C1orf105: variants seen among roughly 807,000 people sequenced by gnomAD.
C1orf105 encodes the protein uncharacterized protein C1orf105.
C1orf105 carries 17 observed loss-of-function variants against 20.8 expected under a neutral mutation model. The observed-to-expected ratio is 0.82, with a 90% confidence interval of 0.56 to 1.23. The LOEUF (loss-of-function observed/expected upper bound fraction) is 1.23. C1orf105 is among the 50% of genes most tolerant of loss of function. The pLI is 0.00. For synonymous variants in C1orf105, 72 were observed against 72.1 expected (o/e 1.00, Z 0.01); for missense variants, 219 against 213.5 (o/e 1.03, Z -0.16).
At chr1:172,451,867 C>CTTTTTTTTTTTTTTTTTTT (rs11462736) in intron 3 of C1orf105, among the ~76,000 whole-genome samples, 1 of 85,196 alleles carries the variant, frequency 1.2e-5, no homozygotes, top group African/African-American at 4.8e-5. Context: ...TATATGGATT[C>CTTTTTTTTTTTTTTTTTTT]TTTTTTTTTT....
At chr1:172,432,084 G>A (rs561246074) in intron 1 of C1orf105, among the ~76,000 whole-genome samples, 43 of 152,292 alleles carry the variant, frequency 2.8e-4, no homozygotes, top group South Asian at 8.3e-4. Context: ...CAAAGCAGCC[G>A]GGAAGCTCAA....
chr1:172,466,033 G>C (rs1182668008), intron 6 of C1orf105, among the ~76,000 whole-genome samples: 1 of 152,210 alleles, frequency 6.6e-6, no homozygotes, highest in East Asian at 1.9e-4. Context: ...ATTGACTGAA[G>C]CCACTTGAAT....
chr1:172,463,579 T>G (rs1308737748), intron 5 of C1orf105, among the ~76,000 whole-genome samples: 1 of 152,192 alleles, frequency 6.6e-6, no homozygotes, highest in Non-Finnish European at 1.5e-5. Flanking sequence ...ATAAAAGTAA[T>G]TCTAGTAAAT....
At position 172,427,233 on chromosome 1, in the gene C1orf105, T is replaced by A. The variant is rs549169018; in HGVS notation, c.21+6327T>A. Among the ~76,000 whole-genome samples the A allele has an allele frequency of 1.6e-3, 251 of 152,340 alleles. 13 individuals are homozygous for A. The South Asian group carries it at 0.046, about 28-fold the overall frequency. On this transcript the variant is annotated intron_variant, in intron 1 of 6. Transcript: ENST00000367727. ...ACTCTCATCACCTCATCTACCCATT[T>A]ACTAATATCGGTATTCATCTACTCT...
At chr1:172,445,610 A>G (rs1647899417) in intron 2 of C1orf105, among the ~76,000 whole-genome samples, 1 of 152,156 alleles carries the variant, frequency 6.6e-6, no homozygotes, top group Non-Finnish European at 1.5e-5. Flanking sequence ...TTCCAAACAA[A>G]CTACTATATG....
intron 2 of C1orf105, among the ~76,000 whole-genome samples, chr1:172,447,083 G>T (rs763580549): frequency 2.0e-5 from 3 of 152,222 alleles, no homozygotes; most frequent in Middle Eastern, 3.2e-3. Flanking sequence ...AGTATCAAAA[G>T]ATCTTAAGGA....
At chr1:172,438,009 C>A (rs527305976) in intron 1 of C1orf105, among the ~76,000 whole-genome samples, 72 of 152,110 alleles carry the variant, frequency 4.7e-4, no homozygotes, top group Middle Eastern at 3.4e-3. Flanking sequence ...TTGAAAATTA[C>A]GTGAAATCTA....
intron 1 of C1orf105, among the ~76,000 whole-genome samples, chr1:172,425,763 C>T (rs999656389): frequency 6.6e-6 from 1 of 152,154 alleles, no homozygotes; most frequent in Non-Finnish European, 1.5e-5. Context: ...ACCCAGAGAA[C>T]TAGCACATTA....
intron 6 of C1orf105, 64 bp downstream of exon 6, chr1:172,465,427 A>T: frequency 8.9e-7 from 1 of 1,119,316 alleles, no homozygotes; most frequent in Non-Finnish European, 1.4e-6. Flanking sequence ...ATAGAATGAC[A>T]GTCTAATCCC....
At chr1:172,453,270 T>C in intron 3 of C1orf105, 1 of 1,432,580 alleles carries the variant, frequency 7.0e-7, no homozygotes, top group Non-Finnish European at 9.4e-7. Flanking sequence ...CATCCGCCTC[T>C]GTCTTTTTGA....
chr1:172,441,931 AC>A (rs928180304), intron 1 of C1orf105: 3 of 1,613,910 alleles, frequency 1.9e-6, no homozygotes, highest in Non-Finnish European at 2.5e-6. Context: ...AAGCAGTGTG[AC>A]CCCCACATAG....
At chr1:172,435,485 CA>C (rs1054501069) in intron 1 of C1orf105, among the ~76,000 whole-genome samples, 1 of 151,702 alleles carries the variant, frequency 6.6e-6, no homozygotes, top group Non-Finnish European at 1.5e-5. Context: ...ACAGAACCAA[CA>C]AAAAAAACCA....
At chr1:172,452,249 A>C (rs1269142649) in intron 3 of C1orf105, among the ~76,000 whole-genome samples, 1 of 152,212 alleles carries the variant, frequency 6.6e-6, no homozygotes, top group Non-Finnish European at 1.5e-5. Flanking sequence ...AGCCGACTGA[A>C]GTTCAATAGA....
chr1:172,468,669 CTTCTCCTCACAATT>C lies in C1orf105; in HGVS notation c.*81_*94del. ...CCAAGCCAATCTTTGACACTGGCAC[CTTCTCCTCACAATT>C]TTCTCTCTTCTCCCAAAAGATGATT... On this transcript the variant is annotated 3_prime_UTR_variant, in exon 7 of 7. Transcript: ENST00000367727. 1 of 1,447,538 alleles carries C rather than the reference CTTCTCCTCACAATT, an allele frequency of 6.9e-7. No homozygotes were observed. Among genetic ancestry groups the C allele is most frequent in the Non-Finnish European group, 9.4e-7 (1 of 1,067,948 alleles). 89.7% of individuals were successfully genotyped at this position (1,447,538 alleles called of 1,614,324 possible).
At chr1:172,439,331 G>C (rs2072141746) in intron 1 of C1orf105, among the ~76,000 whole-genome samples, 1 of 152,076 alleles carries the variant, frequency 6.6e-6, no homozygotes, top group African/African-American at 2.4e-5. Flanking sequence ...TCAGATTTCA[G>C]TCCCTCACTA....
chr1:172,425,568 C>G (rs1047210869), intron 1 of C1orf105, among the ~76,000 whole-genome samples: 7 of 152,068 alleles, frequency 4.6e-5, no homozygotes, highest in Non-Finnish European at 1.0e-4. Flanking sequence ...AAGGAGTATG[C>G]CTTATCAGGC....
At chr1:172,423,613 T>A (rs1404335223) in intron 1 of C1orf105, among the ~76,000 whole-genome samples, 1 of 151,422 alleles carries the variant, frequency 6.6e-6, no homozygotes, top group African/African-American at 2.4e-5. Flanking sequence ...CCAAACAAAC[T>A]AAATAAGACA....
chr1:172,464,151 G>A (rs1368458668), intron 5 of C1orf105, among the ~76,000 whole-genome samples: 2 of 152,226 alleles, frequency 1.3e-5, no homozygotes, highest in Non-Finnish European at 2.9e-5. Flanking sequence ...AAAAGGAAGA[G>A]AGGGAGAAAA....
intron 1 of C1orf105, among the ~76,000 whole-genome samples, chr1:172,421,116 T>C (rs1050058074): frequency 7.2e-5 from 11 of 152,220 alleles, no homozygotes; most frequent in African/African-American, 2.2e-4. Flanking sequence ...TAAATTTCAA[T>C]GCTCTTTATC....
Sources: allele counts gnomAD v4.1 joint callset (sites outside exome capture counted in the v4.1 genomes callset), GRCh38; gene constraint gnomAD v4.1.1; transcripts MANE v1.5; gene names NCBI Gene and HGNC (gene_info 2026-07-23, HGNC 2026-07-21).